Variants in LRMDA observed in about 807,000 individuals in gnomAD.
LRMDA encodes leucine rich melanocyte differentiation associated, also known as leucine-rich melanocyte differentiation-associated protein.
In LRMDA, 18 loss-of-function variants were observed where a neutral mutation model predicts 29.8. The ratio of observed to expected loss-of-function variants is 0.60; its 90% confidence interval spans 0.42 to 0.90. The LOEUF is 0.90. Ranked by LOEUF, LRMDA falls within the 40% of genes least tolerant of loss-of-function variation. The probability of loss-of-function intolerance (pLI) is 0.00; values close to 1 mark genes in which losing one functional copy is unlikely to be tolerated. For missense variants in LRMDA, 273 were observed against 273.9 expected (o/e 1.00, Z 0.02); for synonymous variants, 125 against 109.4 (o/e 1.14, Z -0.89).
intron 2 of LRMDA, among the ~76,000 whole-genome samples, chr10:75,811,779 C>T (rs535249768): frequency 9.2e-5 from 14 of 152,184 alleles, no homozygotes; most frequent in South Asian, 4.1e-4. Context: ...CTGGAACACA[C>T]GGCAAATCCA....
intron 6 of LRMDA, chr10:76,556,334 T>C (rs957073517): frequency 6.6e-6 from 1 of 152,080 alleles, no homozygotes; most frequent in Non-Finnish European, 1.5e-5. Context: ...CCTGTCCATG[T>C]GGTGTTTTTT....
At chr10:76,417,571 A>T (rs566149584) in intron 6 of LRMDA, among the ~76,000 whole-genome samples, 2 of 152,296 alleles carry the variant, frequency 1.3e-5, no homozygotes, top group South Asian at 4.1e-4. Context: ...GCCAACATTC[A>T]GACATCATAT....
intron 2 of LRMDA, among the ~76,000 whole-genome samples, chr10:75,758,658 A>C (rs1227961878): frequency 6.6e-6 from 1 of 152,220 alleles, no homozygotes; most frequent in Admixed American, 6.5e-5. Context: ...ACAGCCATGT[A>C]GAGTTTTGTG....
chr10:75,489,145 G>T (rs554018728), intron 2 of LRMDA, among the ~76,000 whole-genome samples: 92 of 150,868 alleles, frequency 6.1e-4, no homozygotes, highest in African/African-American at 2.1e-3. Context: ...CCTCGACCAT[G>T]GAGTAAAGAG....
intron 2 of LRMDA, among the ~76,000 whole-genome samples, chr10:75,991,807 C>A (rs528344232): frequency 3.3e-5 from 5 of 152,298 alleles, no homozygotes; most frequent in African/African-American, 1.2e-4. Flanking sequence ...TCTCTGGCTT[C>A]CAATTCAAGT....
chr10:75,698,847 AG>A (rs1315518071), intron 2 of LRMDA, among the ~76,000 whole-genome samples: 9 of 152,164 alleles, frequency 5.9e-5, no homozygotes, highest in African/African-American at 1.9e-4. Flanking sequence ...GTCATGAGAA[AG>A]AATTTGCGTT....
chr10:75,489,217 G>T lies in LRMDA; in HGVS notation c.131+50723G>T, dbSNP rs1844953707. Among the ~76,000 whole-genome samples, 3 of 107,078 alleles carry T rather than the reference G, an allele frequency of 2.8e-5. No individual in the cohort carries two copies. The Admixed American group carries it at 3.6e-4, about 13-fold the overall frequency. 70.2% of individuals were successfully genotyped at this position (107,078 alleles called of 152,430 possible). A position where few individuals can be genotyped will look rare whatever the true frequency, so the allele number is the denominator to read the frequency against. On this transcript the variant is annotated intron_variant, in intron 2 of 6. Transcript: ENST00000611255. ...GGGCAAAACTATGTCAACCCCCTTG[G>T]ATTTTTAGTAAAAAAAAAAAAAAAA...
intron 2 of LRMDA, among the ~76,000 whole-genome samples, chr10:75,565,271 T>A (rs969071814): frequency 2.0e-5 from 3 of 152,216 alleles, no homozygotes; most frequent in Non-Finnish European, 2.9e-5. Flanking sequence ...TGAAAGTTCC[T>A]TTAAGAATAG....
At chr10:75,524,232 TC>T (rs1564792153) in intron 2 of LRMDA, among the ~76,000 whole-genome samples, 1 of 152,188 alleles carries the variant, frequency 6.6e-6, no homozygotes, top group Non-Finnish European at 1.5e-5. Context: ...GTTGGTCTTT[TC>T]TGGGGCCCCA....
rs144876445 is a variant in LRMDA, at chr10:76,203,816, C to A, written c.517-120585C>A. On this transcript the variant is annotated intron_variant, in intron 5 of 6. Transcript: ENST00000611255. ...CATCCACCCATCTCTATTTCATGTG[C>A]CCATCCACCCATCTCTCCATGTGTC... 2.4e-4 allele frequency among the ~76,000 whole-genome samples: 36 copies of A among 147,586 alleles called. 1 individual carries two copies. Among genetic ancestry groups the A allele is most frequent in the African/African-American group, 9.1e-4 (36 of 39,646 alleles).
Position 75,565,267 on chromosome 10 carries a change from T to C in LRMDA, c.131+126773T>C, listed in dbSNP as rs180893544. Among the ~76,000 whole-genome samples the C allele has an allele frequency of 4.3e-4, 66 of 152,320 alleles. No homozygotes were observed. The East Asian group carries it at 5.2e-3, about 12-fold the overall frequency. On this transcript the variant is annotated intron_variant, in intron 2 of 6. Transcript: ENST00000611255. ...AGGTTGTGTCAAGATTCCATGAAAG[T>C]TCCTTTAAGAATAGAGTTTCCATTT...
chr10:76,251,836 A>C (rs1165085956), intron 5 of LRMDA, among the ~76,000 whole-genome samples: 1 of 152,182 alleles, frequency 6.6e-6, no homozygotes, highest in Non-Finnish European at 1.5e-5. Context: ...AAAAGTTTAC[A>C]AATCCTGCCG....
intron 2 of LRMDA, among the ~76,000 whole-genome samples, chr10:75,926,983 C>T (rs4746340): frequency 6.6e-6 from 1 of 152,098 alleles, no homozygotes; most frequent in Non-Finnish European, 1.5e-5. Flanking sequence ...TCCACGCTGC[C>T]CTCTGGCTGC....
At chr10:75,564,244 C>A (rs1840340504) in intron 2 of LRMDA, among the ~76,000 whole-genome samples, 1 of 152,192 alleles carries the variant, frequency 6.6e-6, no homozygotes, top group Non-Finnish European at 1.5e-5. Flanking sequence ...ATGGTGGGCG[C>A]CCCTCCCCCA....
At chr10:76,009,413 A>C (rs1229936111) in intron 2 of LRMDA, among the ~76,000 whole-genome samples, 1 of 152,214 alleles carries the variant, frequency 6.6e-6, no homozygotes, top group East Asian at 1.9e-4. Context: ...TTAGCCAGGA[A>C]TGGTGCAGAA....
intron 6 of LRMDA, among the ~76,000 whole-genome samples, chr10:76,344,028 G>A (rs111557982): frequency 4.6e-5 from 7 of 151,900 alleles, no homozygotes; most frequent in African/African-American, 1.7e-4. Flanking sequence ...CACCATGTTG[G>A]CCAAGCTGGT....
chr10:75,580,409 A>T (rs1183128417), intron 2 of LRMDA, among the ~76,000 whole-genome samples: 2 of 152,250 alleles, frequency 1.3e-5, no homozygotes, highest in African/African-American at 4.8e-5. Context: ...TGCTCAAGGA[A>T]ATAAAAGAGG....
At chr10:75,564,126 G>T (rs1840338805) in intron 2 of LRMDA, among the ~76,000 whole-genome samples, 1 of 152,242 alleles carries the variant, frequency 6.6e-6, no homozygotes, top group Admixed American at 6.5e-5. Context: ...TCTGTGCCCT[G>T]CCCCTAGAGG....
At chr10:75,581,841 G>A (rs1199884385) in intron 2 of LRMDA, among the ~76,000 whole-genome samples, 8 of 152,092 alleles carry the variant, frequency 5.3e-5, no homozygotes, top group East Asian at 1.9e-4. Flanking sequence ...GTAGATGATG[G>A]GTTGATGGGT....
Sources: allele counts gnomAD v4.1 joint callset (sites outside exome capture counted in the v4.1 genomes callset), GRCh38; gene constraint gnomAD v4.1.1; transcripts MANE v1.5; gene names NCBI Gene and HGNC (gene_info 2026-07-23, HGNC 2026-07-21).